Variants in CCDC178 observed in about 807,000 individuals in gnomAD.
CCDC178 encodes the protein coiled-coil domain-containing protein 178.
A neutral mutation model predicts 117.4 loss-of-function variants in CCDC178; 126 were observed. That is an observed-to-expected ratio of 1.07 (90% confidence interval 0.93 to 1.24). The LOEUF (loss-of-function observed/expected upper bound fraction) is 1.24. Ranked by LOEUF, CCDC178 falls within the 50% of genes most tolerant of loss-of-function variation. CCDC178 has a pLI of 0.00. For missense variants in CCDC178, 1,030 were observed against 986.9 expected, an observed-to-expected ratio of 1.04 and a Z score of -0.59; for synonymous variants, 283 against 313.4, an observed-to-expected ratio of 0.90 and a Z score of 1.02.
chr18:32,959,505 TTGTC>T (rs1338649511), intron 22 of CCDC178, among the ~76,000 whole-genome samples: 1 of 152,156 alleles, frequency 6.6e-6, no homozygotes, highest in Non-Finnish European at 1.5e-5. Context: ...AATTTTCTCT[TTGTC>T]TATGGTCTAT....
At chr18:33,150,806 T>C (rs1295060000) in intron 20 of CCDC178, among the ~76,000 whole-genome samples, 1 of 152,108 alleles carries the variant, frequency 6.6e-6, no homozygotes, top group Non-Finnish European at 1.5e-5. Context: ...AGAAGACATA[T>C]GAAAAAGACA....
intron 22 of CCDC178, among the ~76,000 whole-genome samples, chr18:32,947,352 C>T (rs975047967): frequency 1.3e-5 from 2 of 152,176 alleles, no homozygotes; most frequent in Non-Finnish European, 2.9e-5. Context: ...TTCTTACCAT[C>T]CTAGCCAACT....
intron 15 of CCDC178, among the ~76,000 whole-genome samples, chr18:33,235,819 T>C (rs992042901): frequency 9.9e-5 from 15 of 152,198 alleles, no homozygotes; most frequent in African/African-American, 3.4e-4. Context: ...TTCTGTTCAT[T>C]CCATCAACAC....
At chr18:32,942,152 G>A (rs1019589473) in intron 22 of CCDC178, among the ~76,000 whole-genome samples, 1 of 152,092 alleles carries the variant, frequency 6.6e-6, no homozygotes, top group African/African-American at 2.4e-5. Flanking sequence ...GGTTTGTAAA[G>A]TCTTTTGCCC....
At chr18:32,973,770 A>G (rs1274584044) in intron 22 of CCDC178, among the ~76,000 whole-genome samples, 1 of 152,236 alleles carries the variant, frequency 6.6e-6, no homozygotes, top group East Asian at 1.9e-4. Flanking sequence ...ATATTACTGA[A>G]AAGTGTGATT....
At chr18:33,017,218 T>TA (rs1259379636) in intron 21 of CCDC178, among the ~76,000 whole-genome samples, 10 of 151,640 alleles carry the variant, frequency 6.6e-5, no homozygotes, top group African/African-American at 2.2e-4. Context: ...AAAAAATCAG[T>TA]AAAAAAATAT....
At chr18:33,255,558 T>C (rs2059669149) in intron 14 of CCDC178, among the ~76,000 whole-genome samples, 1 of 151,716 alleles carries the variant, frequency 6.6e-6, no homozygotes, top group Admixed American at 6.6e-5. Context: ...GATGCTGGAG[T>C]GAGCCAGGAG....
chr18:33,008,950 G>A (rs1049629312), intron 21 of CCDC178, among the ~76,000 whole-genome samples: 1 of 152,070 alleles, frequency 6.6e-6, no homozygotes, highest in Non-Finnish European at 1.5e-5. Flanking sequence ...GTTCAAAACT[G>A]ATTTCCTGAT....
chr18:33,251,542 C>G (rs1400125400), intron 14 of CCDC178, among the ~76,000 whole-genome samples: 1 of 151,712 alleles, frequency 6.6e-6, no homozygotes. Context: ...ATGAGGGCCT[C>G]TAATTGGCCC....
intron 21 of CCDC178, among the ~76,000 whole-genome samples, chr18:33,040,597 G>T (rs1390550115): frequency 7.2e-5 from 11 of 151,860 alleles, no homozygotes; most frequent in Non-Finnish European, 1.2e-4. Flanking sequence ...TATAGATAAA[G>T]AAAATAATTT....
intron 20 of CCDC178, among the ~76,000 whole-genome samples, chr18:33,125,263 T>C (rs2057990002): frequency 6.6e-6 from 1 of 152,146 alleles, no homozygotes; most frequent in South Asian, 2.1e-4. Context: ...AAGGGGTATA[T>C]AAAATGATAG....
intron 20 of CCDC178, among the ~76,000 whole-genome samples, chr18:33,114,646 A>G (rs577907909): frequency 5.3e-5 from 8 of 152,120 alleles, no homozygotes; most frequent in Non-Finnish European, 1.2e-4. Context: ...TTAAATCACA[A>G]ACTTTGGCAA....
At chr18:33,317,153 A>C (rs531179024) in intron 11 of CCDC178, among the ~76,000 whole-genome samples, 1 of 152,102 alleles carries the variant, frequency 6.6e-6, no homozygotes, top group Non-Finnish European at 1.5e-5. Context: ...TCTTTGCAAC[A>C]AATCTTGCTA....
chr18:33,118,578 G>A (rs1018650363), intron 20 of CCDC178, among the ~76,000 whole-genome samples: 3 of 152,068 alleles, frequency 2.0e-5, no homozygotes, highest in Non-Finnish European at 4.4e-5. Context: ...CCATGCTCAT[G>A]GATAGGAAGA....
At chr18:33,096,046 G>T (rs1253856315) in intron 20 of CCDC178, among the ~76,000 whole-genome samples, 1 of 151,654 alleles carries the variant, frequency 6.6e-6, no homozygotes, top group East Asian at 2.0e-4. Context: ...TTCCTTCTCT[G>T]TCAGCAAAAA....
At chr18:33,182,739 C>G in intron 20 of CCDC178, among the ~76,000 whole-genome samples, 1 of 151,834 alleles carries the variant, frequency 6.6e-6, no homozygotes, top group African/African-American at 2.4e-5. Flanking sequence ...AAAAGTGTAA[C>G]TCTAAAATCA....
At chr18:33,345,652 T>TTGCCAA (rs2062881644) in intron 9 of CCDC178, among the ~76,000 whole-genome samples, 1 of 152,184 alleles carries the variant, frequency 6.6e-6, no homozygotes, top group East Asian at 1.9e-4. Context: ...CTGTAGTCAT[T>TTGCCAA]ATAGGATATA....
At chr18:33,210,027 T>G (rs2059089006) in intron 20 of CCDC178, among the ~76,000 whole-genome samples, 1 of 151,970 alleles carries the variant, frequency 6.6e-6, no homozygotes, top group Non-Finnish European at 1.5e-5. Flanking sequence ...CTGGTGGAGT[T>G]TGAACAGTAT....
intron 12 of CCDC178, among the ~76,000 whole-genome samples, chr18:33,282,936 C>G (rs2060043805): frequency 6.6e-6 from 1 of 152,168 alleles, no homozygotes; most frequent in South Asian, 2.1e-4. Context: ...CAGACCTGCC[C>G]AGACCAGCAC....
Sources: allele counts gnomAD v4.1 joint callset (sites outside exome capture counted in the v4.1 genomes callset), GRCh38; gene constraint gnomAD v4.1.1; transcripts MANE v1.5; gene names NCBI Gene and HGNC (gene_info 2026-07-23, HGNC 2026-07-21).